ST14: variants seen among roughly 807,000 people sequenced by gnomAD.
ST14 encodes ST14 transmembrane serine protease matriptase, also known as suppressor of tumorigenicity 14 protein.
ST14 carries 40 observed loss-of-function variants against 96.5 expected under a neutral mutation model. The ratio of observed to expected loss-of-function variants is 0.41; its 90% confidence interval spans 0.32 to 0.54. The LOEUF (loss-of-function observed/expected upper bound fraction) is 0.54. ST14 is among the 20% of genes least tolerant of loss of function. ST14 has a pLI of 0.17. For synonymous variants in ST14, 506 were observed against 492.1 expected, an observed-to-expected ratio of 1.03 and a Z score of -0.37; for missense variants, 1,066 against 1,188.9, an observed-to-expected ratio of 0.90 and a Z score of 1.52.
intron 1 of ST14, among the ~76,000 whole-genome samples, chr11:130,175,282 C>A (rs1953125528): frequency 6.6e-6 from 1 of 152,082 alleles, no homozygotes; most frequent in Non-Finnish European, 1.5e-5. Flanking sequence ...AGGGCTAGAA[C>A]ATATCTTGGC....
intron 1 of ST14, among the ~76,000 whole-genome samples, chr11:130,172,411 CTTTTTTTTTT>C (rs1173051845): frequency 6.8e-5 from 6 of 88,298 alleles, no homozygotes; most frequent in African/African-American, 1.5e-4. Context: ...TGGCTGTCTT[CTTTTTTTTTT>C]TTTTTTTTTT....
intron 16 of ST14, among the ~76,000 whole-genome samples, chr11:130,207,488 T>C (rs1450972089): frequency 6.6e-6 from 1 of 152,054 alleles, no homozygotes; most frequent in Non-Finnish European, 1.5e-5. Flanking sequence ...TAGGTGCAGG[T>C]TACAGTGAAC....
intron 16 of ST14, among the ~76,000 whole-genome samples, chr11:130,207,154 G>A (rs1953498071): frequency 6.6e-6 from 1 of 152,196 alleles, no homozygotes; most frequent in Admixed American, 6.5e-5. Flanking sequence ...TCCGAAATCA[G>A]CTGTTTTTCC....
chr11:130,174,990 G>A (rs571343364), intron 1 of ST14, among the ~76,000 whole-genome samples: 25 of 152,272 alleles, frequency 1.6e-4, no homozygotes, highest in East Asian at 1.2e-3. Flanking sequence ...ATAATTACGC[G>A]TCTAGTATAT....
chr11:130,192,207 A>C (rs1437115528), intron 7 of ST14, among the ~76,000 whole-genome samples: 1 of 152,174 alleles, frequency 6.6e-6, no homozygotes, highest in Non-Finnish European at 1.5e-5. Context: ...ATGGGCTAAA[A>C]TTCAGGCCAA....
chr11:130,189,829 CG>C lies in ST14; in HGVS notation c.532del (p.Val178Ter), dbSNP rs1953276439. Reference sequence around the variant, plus strand: ...CCGAGCGCGTCATGGCCGAGGAGCGCGTAGTCATGCTGCCCCCGCGGGCGCG... The same window carrying C: ...CCGAGCGCGTCATGGCCGAGGAGCGCTAGTCATGCTGCCCCCGCGGGCGCG... ...EAERVMAEER[V>X]VMLPPRARSL... On this transcript the variant is annotated frameshift_variant, in exon 5 of 19. Coordinates refer to ENST00000278742, the MANE Select transcript of ST14 (RefSeq NM_021978.4). LOFTEE classifies it high-confidence loss of function. 1.2e-6 allele frequency: 2 copies of C among 1,613,938 alleles called. No homozygotes were observed. The highest frequency in any genetic ancestry group is 8.5e-7 in the Non-Finnish European group (1 of 1,179,946).
rs894769660 is a variant in ST14 at position 130,198,761 on chromosome 11, G to A, written c.1684+140G>A. 6 of 1,403,532 alleles carry A rather than the reference G, an allele frequency of 4.3e-6. No homozygotes were observed. The Admixed American group carries it at 5.9e-5, about 14-fold the overall frequency. 86.9% of individuals were successfully genotyped at this position (1,403,532 alleles called of 1,614,324 possible). ...TTAAGTGTGATGAGAAAGGGCTCTGGTTGGGGGAGAATTTTCCAGAAGGTG... is the reference window on the plus strand; with the variant it reads ...TTAAGTGTGATGAGAAAGGGCTCTGATTGGGGGAGAATTTTCCAGAAGGTG... On this transcript the variant is annotated intron_variant, in intron 14 of 18. Transcript: ENST00000278742.
chr11:130,173,215 C>A (rs1324158814), intron 1 of ST14, among the ~76,000 whole-genome samples: 1 of 152,198 alleles, frequency 6.6e-6, no homozygotes, highest in African/African-American at 2.4e-5. Context: ...AATTTCTCCA[C>A]CCACTGTTTA....
At chr11:130,208,306 G>C in intron 16 of ST14, 104 bp from the exon 17 acceptor site, 1 of 1,524,088 alleles carries the variant, frequency 6.6e-7, no homozygotes, top group Non-Finnish European at 9.1e-7. Flanking sequence ...CGTAGCAGCA[G>C]CTGTGCCTCA....
intron 11 of ST14, 149 bp from the exon 12 acceptor site, chr11:130,197,689 TTGG>T: frequency 1.6e-6 from 1 of 639,320 alleles, no homozygotes; most frequent in Non-Finnish European, 2.7e-6. Flanking sequence ...TTGTCACAGC[TTGG>T]TGGGCCTGGG....
chr11:130,190,992 A>G (rs995803636), intron 7 of ST14, among the ~76,000 whole-genome samples: 1 of 152,190 alleles, frequency 6.6e-6, no homozygotes, highest in African/African-American at 2.4e-5. Context: ...CCACGGTTGT[A>G]AAATGTAGGC....
chr11:130,192,514 G>A lies in ST14; in HGVS notation c.876-1635G>A, dbSNP rs538247544. Among the ~76,000 whole-genome samples, 6 of 152,232 alleles carry A rather than the reference G, an allele frequency of 3.9e-5. No individual in the cohort carries two copies. In the East Asian group the frequency reaches 9.7e-4, roughly 24 times the overall value. Reference sequence around the variant, plus strand: ...TGCGATTCTCCTGCTTCATCCTCTCGAGCAGCTGGGATTACAGGCATGCGC... The same window carrying A: ...TGCGATTCTCCTGCTTCATCCTCTCAAGCAGCTGGGATTACAGGCATGCGC... On this transcript the variant is annotated intron_variant, in intron 7 of 18. Coordinates refer to ENST00000278742, the MANE Select transcript of ST14 (RefSeq NM_021978.4).
chr11:130,198,650 T>C, intron 14 of ST14, 29 bp downstream of exon 14: 1 of 1,598,862 alleles, frequency 6.3e-7, no homozygotes. Flanking sequence ...ATCTTCCTGT[T>C]GGGGGCCTCG....
chr11:130,159,874 C>T lies in ST14; in HGVS notation c.-106C>T, dbSNP rs534615292. ...CCGCCGGTCGGGCGCGCTGGGCCTG[C>T]CCGGAATCCCGCCGCCTGCGCCCCG... is the stretch of plus-strand genomic sequence containing the variant. On this transcript the variant is annotated 5_prime_UTR_variant, in exon 1 of 19. Transcript: ENST00000278742. 16 of 564,826 alleles carry T rather than the reference C, an allele frequency of 2.8e-5. No homozygotes were observed. The highest frequency in any genetic ancestry group is 4.0e-5 in the Non-Finnish European group (16 of 401,894). 35.0% of individuals were successfully genotyped at this position (564,826 alleles called of 1,614,324 possible). A position where few individuals can be genotyped will look rare whatever the true frequency, so the allele number is the denominator to read the frequency against.
At chr11:130,208,940 T>A (rs1953517450) in intron 17 of ST14, among the ~76,000 whole-genome samples, 1 of 152,146 alleles carries the variant, frequency 6.6e-6, no homozygotes, top group African/African-American at 2.4e-5. Context: ...GCTCTGATCC[T>A]GTTTGTGCAT....
In ST14 at chr11:130,208,632, C is replaced by T; in HGVS notation, c.2217C>T (p.Phe739=). 6.2e-7 allele frequency: 1 copy of T among 1,614,048 alleles called. No individual in the cohort carries two copies. The highest frequency in any genetic ancestry group is 8.5e-7 in the Non-Finnish European group (1 of 1,179,990). The change falls in exon 17 of 19, where the codon TTC becomes TTT. Residue 739 remains phenylalanine, a synonymous_variant. Coordinates refer to ENST00000278742, the MANE Select transcript of ST14 (RefSeq NM_021978.4). ...PICLPDASHV[F]PAGKAIWVTG... is the part of the protein sequence containing the mutation. ...GCCTGCCGGACGCCTCCCATGTCTT[C>T]CCTGCCGGCAAGGCCATCTGGGTCA...
intron 1 of ST14, among the ~76,000 whole-genome samples, chr11:130,183,531 A>T (rs1453264622): frequency 1.4e-5 from 2 of 146,880 alleles, no homozygotes; most frequent in Admixed American, 6.7e-5. Flanking sequence ...ACATAGCAAG[A>T]CCCTGTATCT....
chr11:130,161,896 A>G (rs1242326454), intron 1 of ST14, among the ~76,000 whole-genome samples: 1 of 152,208 alleles, frequency 6.6e-6, no homozygotes, highest in Non-Finnish European at 1.5e-5. Context: ...CGAATGCCAA[A>G]GTTAGCTGTG....
chr11:130,190,648 A>T lies in ST14; in HGVS notation c.829A>T (p.Thr277Ser), dbSNP rs776419014. 2 of 1,606,458 alleles carry T rather than the reference A, an allele frequency of 1.2e-6. No individual in the cohort carries two copies. Among genetic ancestry groups the T allele is most frequent in the Non-Finnish European group, 1.7e-6 (2 of 1,177,066 alleles). ...CGACGAGCGCGGCAGCGACCTGGTGACGGTGTACAACACCCTGAGCCCCAT... is the reference window on the plus strand; with the variant it reads ...CGACGAGCGCGGCAGCGACCTGGTGTCGGTGTACAACACCCTGAGCCCCAT... ...SCDERGSDLV[T>S]VYNTLSPMEP... Residue 277 changes from threonine (T) to serine (S), a missense_variant, in exon 7 of 19, where the codon ACG becomes TCG. Thr to Ser is a moderately conservative substitution (Grantham distance 58). Coordinates refer to ENST00000278742, the MANE Select transcript of ST14 (RefSeq NM_021978.4).
Sources: gnomAD v4.1 joint callset for allele counts (sites outside exome capture counted in the v4.1 genomes callset) on GRCh38, gnomAD v4.1.1 for gene constraint, MANE v1.5 for transcripts, NCBI Gene and HGNC (gene_info 2026-07-23, HGNC 2026-07-21) for gene names.